Variants in CLCN3 observed in about 807,000 individuals in gnomAD.
The protein encoded by CLCN3 is Cl-/H+ antiporter 3.
CLCN3 carries 16 observed loss-of-function variants against 83.4 expected under a neutral mutation model. That is an observed-to-expected ratio of 0.19 (90% confidence interval 0.13 to 0.29). CLCN3 has a LOEUF of 0.29. Ranked by LOEUF, CLCN3 falls within the 10% of genes least tolerant of loss-of-function variation. CLCN3 has a pLI of 1.00. For missense variants in CLCN3, 544 were observed against 1,006.0 expected (o/e 0.54, Z 6.21); for synonymous variants, 322 against 346.2 (o/e 0.93, Z 0.78).
intron 1 of CLCN3, among the ~76,000 whole-genome samples, chr4:169,629,981 G>T (rs889409189): frequency 9.9e-5 from 15 of 152,114 alleles, no homozygotes; most frequent in Admixed American, 6.5e-5. Context: ...CTTTAAGGTT[G>T]TCATATATTT....
chr4:169,709,766 A>C (rs1002701259), intron 11 of CLCN3, among the ~76,000 whole-genome samples: 9 of 152,190 alleles, frequency 5.9e-5, no homozygotes, highest in Admixed American at 1.3e-4. Context: ...TAGCACTAAA[A>C]ATATTTTTTA....
intron 2 of CLCN3, among the ~76,000 whole-genome samples, chr4:169,670,607 T>C (rs1294364181): frequency 6.6e-6 from 1 of 152,238 alleles, no homozygotes; most frequent in Admixed American, 6.5e-5. Context: ...GGCTCTTTTT[T>C]GGTTCCATAT....
intron 1 of CLCN3, among the ~76,000 whole-genome samples, chr4:169,629,532 G>A (rs770642050): frequency 3.9e-5 from 6 of 151,944 alleles, no homozygotes; most frequent in African/African-American, 1.2e-4. Context: ...CACTATGCCC[G>A]GCTAATTTTT....
intron 1 of CLCN3, among the ~76,000 whole-genome samples, chr4:169,629,520 A>G (rs1773315582): frequency 6.6e-6 from 1 of 152,008 alleles, no homozygotes; most frequent in African/African-American, 2.4e-5. Flanking sequence ...ACAGGCACTC[A>G]CCACTATGCC....
At position 169,692,085 on chromosome 4, in the gene CLCN3, A is replaced by G. The variant is rs761620062; in HGVS notation, c.730-29A>G. The G allele has an allele frequency of 1.2e-5, 16 of 1,362,750 alleles. No individual in the cohort carries two copies. In the East Asian group the frequency reaches 2.8e-4, roughly 24 times the overall value. The allele number at this position is 1,362,750 out of a possible 1,614,324, so 84.4% of individuals were successfully genotyped here. On this transcript the variant is annotated intron_variant, in intron 6 of 12. Coordinates refer to ENST00000513761, the MANE Select transcript of CLCN3 (RefSeq NM_001829.4). ...TACATTCTCATGTTTCTTAAAGGAC[A>G]TTAAGCTGCCTTAATCTTTGCCTTG...
intron 7 of CLCN3, among the ~76,000 whole-genome samples, chr4:169,692,820 A>T (rs1424691529): frequency 6.6e-6 from 1 of 152,238 alleles, no homozygotes; most frequent in Non-Finnish European, 1.5e-5. Flanking sequence ...AGAAATTCAC[A>T]TTAAAGAGAT....
intron 2 of CLCN3, among the ~76,000 whole-genome samples, chr4:169,678,095 A>G (rs1255850755): frequency 6.6e-6 from 1 of 152,244 alleles, no homozygotes; most frequent in Non-Finnish European, 1.5e-5. Context: ...CTTACAGGGC[A>G]AAAACAAAAC....
intron 2 of CLCN3, among the ~76,000 whole-genome samples, chr4:169,663,314 T>TTG (rs1731127234): frequency 7.6e-6 from 1 of 131,106 alleles, no homozygotes; most frequent in African/African-American, 3.6e-5. Flanking sequence ...AGTGGGTTTT[T>TTG]TTGTTGTTGT....
Position 169,695,594 on chromosome 4 carries a change from G to T in CLCN3, c.937-18G>T, listed in dbSNP as rs1271572721. 6.4e-7 allele frequency: 1 copy of T among 1,566,864 alleles called. No homozygotes were observed. The highest frequency in any genetic ancestry group is 1.1e-5 in the South Asian group (1 of 88,648). On this transcript the variant is annotated intron_variant, in intron 7 of 12. Transcript: ENST00000513761. ...GAATTTCTATGAAATTATGAAATAAGCCATATCCTCTTTCTAGGTGCTATC... is the reference window on the plus strand; with the variant it reads ...GAATTTCTATGAAATTATGAAATAATCCATATCCTCTTTCTAGGTGCTATC...
At chr4:169,648,428 T>C (rs7687043) in intron 2 of CLCN3, among the ~76,000 whole-genome samples, 36,169 of 152,122 alleles carry the variant, frequency 0.24, 4,512 homozygotes, top group South Asian at 0.3. Flanking sequence ...AATGTGCTTA[T>C]TGTAGAAAAT....
intron 8 of CLCN3, 38 bp downstream of exon 8, chr4:169,695,730 A>C: frequency 7.6e-7 from 1 of 1,308,580 alleles, no homozygotes; most frequent in Non-Finnish European, 1.1e-6. Context: ...ATTATATATA[A>C]TTACCATTAC....
chr4:169,635,795 A>G, intron 1 of CLCN3, 118 bp from the exon 2 acceptor site: 2 of 638,946 alleles, frequency 3.1e-6, no homozygotes, highest in Non-Finnish European at 2.4e-6. Context: ...CTATTGTTAC[A>G]GTGAATACGC....
intron 2 of CLCN3, among the ~76,000 whole-genome samples, chr4:169,676,420 C>G (rs2150234251): frequency 6.6e-6 from 1 of 152,088 alleles, no homozygotes; most frequent in Admixed American, 6.5e-5. Flanking sequence ...GTTTGTATCT[C>G]TTTACTTCCA....
intron 7 of CLCN3, among the ~76,000 whole-genome samples, chr4:169,694,190 T>C (rs1385001763): frequency 1.3e-5 from 2 of 152,160 alleles, no homozygotes; most frequent in East Asian, 3.8e-4. Flanking sequence ...AAACAAATAT[T>C]TATTTACTTT....
intron 2 of CLCN3, among the ~76,000 whole-genome samples, chr4:169,657,046 CT>C (rs1379914694): frequency 3.3e-5 from 5 of 152,098 alleles, no homozygotes; most frequent in African/African-American, 1.2e-4. Context: ...TGGTCACTTA[CT>C]TTAATTAATT....
intron 1 of CLCN3, among the ~76,000 whole-genome samples, chr4:169,622,235 A>G (rs144320943): frequency 6.6e-6 from 1 of 152,394 alleles, no homozygotes; most frequent in Non-Finnish European, 1.5e-5. Context: ...TATCAGTCAT[A>G]CATAGCTCAT....
At chr4:169,643,068 C>T (rs1272228500) in intron 2 of CLCN3, 3 of 152,022 alleles carry the variant, frequency 2.0e-5, no homozygotes, top group Non-Finnish European at 4.4e-5. Context: ...TATAACAGAG[C>T]TATATTATAA....
intron 3 of CLCN3, among the ~76,000 whole-genome samples, chr4:169,684,019 A>G (rs1169254318): frequency 1.3e-5 from 2 of 152,228 alleles, no homozygotes; most frequent in African/African-American, 4.8e-5. Context: ...TTGGGATTAC[A>G]GGTGGGAGCC....
At chr4:169,717,980 A>C (rs1409177066) in intron 12 of CLCN3, 14 of 586,570 alleles carry the variant, frequency 2.4e-5, no homozygotes, top group Non-Finnish European at 4.4e-5. Flanking sequence ...AAAATATCCT[A>C]CTATGCTGCC....
Sources: gnomAD v4.1 joint callset for allele counts (sites outside exome capture counted in the v4.1 genomes callset) on GRCh38, gnomAD v4.1.1 for gene constraint, MANE v1.5 for transcripts, NCBI Gene and HGNC (gene_info 2026-07-23, HGNC 2026-07-21) for gene names.